The following SPECC1L variants were observed in gnomAD, a reference collection of about 807,000 sequenced individuals.
SPECC1L encodes the protein cytospin-A.
Under a neutral mutation model 116.8 loss-of-function variants are expected in SPECC1L, and 40 were observed. The ratio of observed to expected loss-of-function variants is 0.34; its 90% CI spans 0.27 to 0.45. SPECC1L has a LOEUF of 0.45. Among genes scored for constraint, SPECC1L ranks in the 20% least tolerant of loss-of-function variants. The pLI is 1.00. For missense variants in SPECC1L, 1,110 were observed against 1,373.6 expected (o/e 0.81, Z 3.03); for synonymous variants, 504 against 500.6 (o/e 1.01, Z -0.09).
At chr22:24,338,269 G>GAC in intron 9 of SPECC1L, 117 bp from the exon 10 acceptor site, 1 of 984,448 alleles carries the variant, frequency 1.0e-6, no homozygotes, top group Non-Finnish European at 1.6e-6. Flanking sequence ...CATCAGCCAA[G>GAC]ACAGTGTCCA....
intron 14 of SPECC1L, among the ~76,000 whole-genome samples, chr22:24,405,306 C>T (rs191600684): frequency 7.2e-5 from 11 of 152,178 alleles, no homozygotes; most frequent in African/African-American, 2.2e-4. Context: ...CACCAGGGCA[C>T]GTGGTATTGC....
intron 1 of SPECC1L, among the ~76,000 whole-genome samples, chr22:24,272,355 G>A (rs1468143562): frequency 1.3e-5 from 2 of 151,126 alleles, no homozygotes; most frequent in Non-Finnish European, 2.9e-5. Flanking sequence ...ACAGAGCGAG[G>A]CTCCGTCTCA....
chr22:24,354,466 A>T (rs1031205648), intron 11 of SPECC1L, among the ~76,000 whole-genome samples: 7 of 152,114 alleles, frequency 4.6e-5, no homozygotes, highest in African/African-American at 1.7e-4. Flanking sequence ...ATTATAATCT[A>T]CTACCATTTT....
chr22:24,360,430 A>G (rs534850434), intron 11 of SPECC1L, among the ~76,000 whole-genome samples: 80 of 152,316 alleles, frequency 5.3e-4, no homozygotes, highest in African/African-American at 1.6e-3. Context: ...GTATTTTCAG[A>G]AAGTAAGTGT....
intron 14 of SPECC1L, among the ~76,000 whole-genome samples, chr22:24,377,277 CT>C (rs2041989104): frequency 1.3e-5 from 2 of 151,954 alleles, no homozygotes; most frequent in Admixed American, 1.3e-4. Context: ...GTTGCTTACA[CT>C]TTTGGGGGGG....
chr22:24,287,883 C>T (rs548528898), intron 2 of SPECC1L, among the ~76,000 whole-genome samples: 19 of 152,142 alleles, frequency 1.2e-4, no homozygotes, highest in African/African-American at 4.3e-4. Context: ...CAGTGGATTT[C>T]GACCATCCAT....
At chr22:24,314,131 G>A (rs753981579) in intron 4 of SPECC1L, among the ~76,000 whole-genome samples, 1 of 151,840 alleles carries the variant, frequency 6.6e-6, no homozygotes, top group Non-Finnish European at 1.5e-5. Flanking sequence ...TGCAAGCTTC[G>A]CCTCCTGGGT....
At chr22:24,413,209 C>T (rs1387892816) in intron 16 of SPECC1L, among the ~76,000 whole-genome samples, 2 of 152,126 alleles carry the variant, frequency 1.3e-5, no homozygotes, top group East Asian at 1.9e-4. Context: ...TGTGGGTAGC[C>T]GCCACTCACA....
chr22:24,293,103 A>G (rs1405625336), intron 2 of SPECC1L, among the ~76,000 whole-genome samples: 2 of 152,096 alleles, frequency 1.3e-5, no homozygotes, highest in Non-Finnish European at 2.9e-5. Context: ...AAGAAGTGGG[A>G]TGTTGCTTAC....
chr22:24,294,812 C>T (rs905933075), intron 2 of SPECC1L, among the ~76,000 whole-genome samples: 13 of 152,144 alleles, frequency 8.5e-5, no homozygotes, highest in East Asian at 1.9e-4. Flanking sequence ...CAATGACTTG[C>T]CTCATAACTT....
chr22:24,347,768 C>T (rs991454516), intron 11 of SPECC1L, among the ~76,000 whole-genome samples: 23 of 152,062 alleles, frequency 1.5e-4, no homozygotes, highest in African/African-American at 4.8e-4. Flanking sequence ...CTCTGCCTCC[C>T]GGGTTCAAGC....
At chr22:24,317,147 C>A in intron 4 of SPECC1L, among the ~76,000 whole-genome samples, 1 of 102,596 alleles carries the variant, frequency 9.7e-6, no homozygotes, top group Non-Finnish European at 2.1e-5. Context: ...GACCCCCCTA[C>A]CTCCCTCCCG....
At chr22:24,397,214 T>C (rs2042385669) in intron 14 of SPECC1L, among the ~76,000 whole-genome samples, 1 of 152,164 alleles carries the variant, frequency 6.6e-6, no homozygotes, top group East Asian at 1.9e-4. Context: ...TAGAAACGAA[T>C]ACACCGACAG....
intron 14 of SPECC1L, among the ~76,000 whole-genome samples, chr22:24,382,896 TAAAG>T (rs1203287869): frequency 2.1e-5 from 3 of 144,796 alleles, no homozygotes; most frequent in Non-Finnish European, 4.4e-5. Context: ...TTTGGGAAAA[TAAAG>T]AGAAAGAGGG....
In SPECC1L at chr22:24,302,397, T is replaced by C; in HGVS notation, c.153+13T>C. 1 of 1,613,920 alleles carries C rather than the reference T, an allele frequency of 6.2e-7. No homozygotes were observed. The highest frequency in any genetic ancestry group is 8.5e-7 in the Non-Finnish European group (1 of 1,179,878). ...ATCATTGTCAAAGGTATTCATGTGATGTTTGAATACATGATGGGTTTTTGG... is the reference window on the plus strand; with the variant it reads ...ATCATTGTCAAAGGTATTCATGTGACGTTTGAATACATGATGGGTTTTTGG... On this transcript the variant is annotated intron_variant, in intron 3 of 16. Transcript: ENST00000314328.
At chr22:24,374,522 A>C (rs533841013) in intron 14 of SPECC1L, among the ~76,000 whole-genome samples, 1 of 150,928 alleles carries the variant, frequency 6.6e-6, no homozygotes, top group African/African-American at 2.4e-5. Context: ...TATCGCAAGG[A>C]CAAAAAAAAA....
chr22:24,390,533 C>T (rs1056197703), intron 14 of SPECC1L, among the ~76,000 whole-genome samples: 1 of 152,166 alleles, frequency 6.6e-6, no homozygotes, highest in African/African-American at 2.4e-5. Flanking sequence ...TTTACATTGT[C>T]ACTTGCATGG....
At chr22:24,320,613 C>G (rs1327398562) in intron 4 of SPECC1L, among the ~76,000 whole-genome samples, 1 of 152,180 alleles carries the variant, frequency 6.6e-6, no homozygotes, top group East Asian at 1.9e-4. Flanking sequence ...GATAATAGCA[C>G]CTACCTCACG....
chr22:24,401,411 T>C (rs915382359), intron 14 of SPECC1L, among the ~76,000 whole-genome samples: 6 of 152,228 alleles, frequency 3.9e-5, no homozygotes, highest in Non-Finnish European at 8.8e-5. Context: ...TGTGGAGTTC[T>C]GTCCATTCGC....
Sources: allele counts gnomAD v4.1 joint callset (sites outside exome capture counted in the v4.1 genomes callset), GRCh38; gene constraint gnomAD v4.1.1; transcripts MANE v1.5; gene names NCBI Gene and HGNC (gene_info 2026-07-23, HGNC 2026-07-21).